MGAT4D: variants seen among roughly 807,000 people sequenced by gnomAD.
MGAT4D encodes the protein alpha-1,3-mannosyl-glycoprotein 4-beta-N-acetylglucosaminyltransferase-like protein MGAT4D.
In MGAT4D, 34 loss-of-function variants were observed where a neutral mutation model predicts 15.9. That is an observed-to-expected ratio of 2.14 (90% CI 1.62 to 2.84). The LOEUF is 2.84. MGAT4D is among the 30% of genes most tolerant of loss of function. MGAT4D has a pLI of 0.00. For missense variants in MGAT4D, 327 were observed against 140.2 expected (o/e 2.33, Z -6.73); for synonymous variants, 112 against 48.2 (o/e 2.33, Z -5.49).
At chr4:140,487,705 C>T (rs1267907912) in intron 1 of MGAT4D, among the ~76,000 whole-genome samples, 1 of 152,100 alleles carries the variant, frequency 6.6e-6, no homozygotes, top group Admixed American at 6.6e-5. Flanking sequence ...TGTAATCCTA[C>T]CAAAACAGTA....
At chr4:140,450,317 G>A (rs1007463421) in intron 10 of MGAT4D, among the ~76,000 whole-genome samples, 2 of 151,926 alleles carry the variant, frequency 1.3e-5, no homozygotes, top group African/African-American at 4.8e-5. Flanking sequence ...TATCATATCT[G>A]GCCAAAAAAT....
At chr4:140,488,192 G>A (rs1378078429) in intron 1 of MGAT4D, among the ~76,000 whole-genome samples, 2 of 152,110 alleles carry the variant, frequency 1.3e-5, no homozygotes, top group East Asian at 1.9e-4. Flanking sequence ...GTGCTTACTT[G>A]CCCTGGTCTA....
At chr4:140,465,448 G>C in intron 5 of MGAT4D, among the ~76,000 whole-genome samples, 1 of 152,180 alleles carries the variant, frequency 6.6e-6, no homozygotes, top group Admixed American at 6.5e-5. Context: ...CAAGGATTTA[G>C]TCAGACTCTT....
rs543673851 is a variant in MGAT4D, at chr4:140,470,245, G to A, written c.572+1530C>T. Reference sequence around the variant, plus strand: ...GAACGACCAGGAGTTTTCCTGTGCGGACACTGACCGGCATACCTTCCTCGT... The same window carrying A: ...GAACGACCAGGAGTTTTCCTGTGCGAACACTGACCGGCATACCTTCCTCGT... On this transcript the variant is annotated intron_variant, in intron 5 of 10. Coordinates refer to ENST00000511113, the MANE Select transcript of MGAT4D (RefSeq NM_001277353.2). Among the ~76,000 whole-genome samples the A allele has an allele frequency of 1.7e-3, 252 of 152,256 alleles. 2 individuals are homozygous for A. The highest frequency in any genetic ancestry group is 5.7e-3 in the African/African-American group (238 of 41,548).
intron 6 of MGAT4D, among the ~76,000 whole-genome samples, chr4:140,463,043 A>G (rs1365290697): frequency 1.3e-5 from 2 of 152,172 alleles, no homozygotes. Flanking sequence ...TGGCCTCCAT[A>G]CACACATCCC....
At chr4:140,493,207 C>T (rs1733614781) in intron 1 of MGAT4D, among the ~76,000 whole-genome samples, 2 of 152,014 alleles carry the variant, frequency 1.3e-5, no homozygotes, top group Admixed American at 1.3e-4. Context: ...CCTCGGCTAC[C>T]ACCTCTGATT....
At chr4:140,493,349 G>A (rs1578727971) in intron 1 of MGAT4D, among the ~76,000 whole-genome samples, 1 of 144,670 alleles carries the variant, frequency 6.9e-6, no homozygotes, top group East Asian at 2.1e-4. Flanking sequence ...AGGTTGGAGT[G>A]CAGTGGTGCG....
chr4:140,476,153 T>A (rs1006710789), intron 3 of MGAT4D, among the ~76,000 whole-genome samples: 1 of 152,200 alleles, frequency 6.6e-6, no homozygotes, highest in Non-Finnish European at 1.5e-5. Flanking sequence ...AAATCCTTGT[T>A]TAAGCTATTG....
intron 3 of MGAT4D, among the ~76,000 whole-genome samples, chr4:140,476,595 A>G (rs1474157081): frequency 6.6e-6 from 1 of 152,178 alleles, no homozygotes; most frequent in Non-Finnish European, 1.5e-5. Context: ...CAATGCATTT[A>G]CAAGAATTTA....
chr4:140,456,565 G>A, intron 9 of MGAT4D, 24 bp downstream of exon 9: 1 of 584,598 alleles, frequency 1.7e-6, no homozygotes. Flanking sequence ...TAAAATATTT[G>A]GTATTCATAA....
intron 1 of MGAT4D, among the ~76,000 whole-genome samples, chr4:140,496,506 T>C (rs1224897658): frequency 6.6e-6 from 1 of 152,178 alleles, no homozygotes; most frequent in African/African-American, 2.4e-5. Flanking sequence ...ATAAAATCAT[T>C]AATGGTATTA....
At chr4:140,477,631 T>C (rs1732425162) in intron 3 of MGAT4D, among the ~76,000 whole-genome samples, 1 of 152,224 alleles carries the variant, frequency 6.6e-6, no homozygotes, top group South Asian at 2.1e-4. Context: ...TGCAAGTGGT[T>C]TGTGGTTTCT....
intron 9 of MGAT4D, among the ~76,000 whole-genome samples, chr4:140,452,026 T>C (rs1487329752): frequency 6.7e-6 from 1 of 149,754 alleles, no homozygotes; most frequent in African/African-American, 2.5e-5. Context: ...GGATGACCTA[T>C]GGCACCACTC....
intron 10 of MGAT4D, among the ~76,000 whole-genome samples, chr4:140,449,322 A>G (rs1730322409): frequency 6.6e-6 from 1 of 152,224 alleles, no homozygotes; most frequent in African/African-American, 2.4e-5. Flanking sequence ...AAATTTAAAA[A>G]CTATTTAAGA....
chr4:140,484,854 A>T (rs1271179446), intron 1 of MGAT4D, among the ~76,000 whole-genome samples: 1 of 152,262 alleles, frequency 6.6e-6, no homozygotes, highest in East Asian at 1.9e-4. Context: ...ACAATGAGAT[A>T]CCATTTCACA....
chr4:140,460,787 A>T (rs7672216), intron 7 of MGAT4D, among the ~76,000 whole-genome samples: 18 of 152,222 alleles, frequency 1.2e-4, no homozygotes, highest in African/African-American at 4.3e-4. Flanking sequence ...ATAGAGCAAG[A>T]CATTGTCTCA....
chr4:140,497,670 G>A (rs906228357), intron 1 of MGAT4D, among the ~76,000 whole-genome samples: 4 of 152,222 alleles, frequency 2.6e-5, no homozygotes, highest in Admixed American at 6.5e-5. Context: ...ACTCCAGGGA[G>A]GAGGGAGGCA....
chr4:140,464,030 T>C (rs1024025244), intron 6 of MGAT4D, among the ~76,000 whole-genome samples: 1 of 151,922 alleles, frequency 6.6e-6, no homozygotes, highest in African/African-American at 2.4e-5. Flanking sequence ...AAAGAAACAA[T>C]GACAGAGATA....
intron 10 of MGAT4D, among the ~76,000 whole-genome samples, chr4:140,445,443 T>C (rs899685718): frequency 2.6e-5 from 4 of 152,118 alleles, no homozygotes; most frequent in African/African-American, 7.2e-5. Context: ...ATCAAATACA[T>C]AGTTTTTAAA....
Sources: allele counts gnomAD v4.1 joint callset (sites outside exome capture counted in the v4.1 genomes callset), GRCh38; gene constraint gnomAD v4.1.1; transcripts MANE v1.5; gene names NCBI Gene and HGNC (gene_info 2026-07-23, HGNC 2026-07-21).